The following RYR2 variants were observed in gnomAD, a reference collection of about 807,000 sequenced individuals.
The protein encoded by RYR2 is ryanodine receptor 2.
Under a neutral mutation model 601.1 loss-of-function variants are expected in RYR2, and 227 were observed. That is an observed-to-expected ratio of 0.38 (90% CI 0.34 to 0.42). RYR2 has a LOEUF of 0.42. Ranked by LOEUF, RYR2 falls within the 10% of genes least tolerant of loss-of-function variation. The pLI is 1.00. For missense variants in RYR2, 4,646 were observed against 6,156.5 expected, an observed-to-expected ratio of 0.75 and a Z score of 8.21; for synonymous variants, 2,223 against 2,175.1, an observed-to-expected ratio of 1.02 and a Z score of -0.61.
chr1:237,400,154 C>T (rs1206876990), intron 10 of RYR2, among the ~76,000 whole-genome samples: 1 of 152,124 alleles, frequency 6.6e-6, no homozygotes, highest in African/African-American at 2.4e-5. Context: ...TTGTCAAACT[C>T]TTACTATAGA....
At chr1:237,242,070 T>G (rs1428404317) in intron 1 of RYR2, among the ~76,000 whole-genome samples, 1 of 152,194 alleles carries the variant, frequency 6.6e-6, no homozygotes, top group East Asian at 1.9e-4. Context: ...TTCTTGACTA[T>G]TTTAAGGATT....
intron 23 of RYR2, among the ~76,000 whole-genome samples, chr1:237,508,376 G>A (rs2150524996): frequency 6.6e-6 from 1 of 151,534 alleles, no homozygotes; most frequent in African/African-American, 2.4e-5. Context: ...ATTGCCAGAG[G>A]AATTACAGGC....
chr1:237,795,070 C>G (rs1292653626), intron 95 of RYR2, among the ~76,000 whole-genome samples: 9 of 152,088 alleles, frequency 5.9e-5, no homozygotes. Flanking sequence ...AAAGTATCAG[C>G]TTATAATCTT....
intron 1 of RYR2, among the ~76,000 whole-genome samples, chr1:237,107,401 G>A (rs533886165): frequency 2.0e-5 from 3 of 150,790 alleles, no homozygotes; most frequent in African/African-American, 2.4e-5. Flanking sequence ...GGCGCCTGTA[G>A]TCCCAGCTAC....
Position 237,759,805 on chromosome 1 carries a change from G to A in RYR2, c.11355G>A (p.Lys3785=), listed in dbSNP as rs553416597. ...TGCTTGACTACCTCAAGGAGAAAAAGGATGTGGGCTTCTTTCAGAGCCTGG... is the reference window on the plus strand; with the variant it reads ...TGCTTGACTACCTCAAGGAGAAAAAAGATGTGGGCTTCTTTCAGAGCCTGG... ...QKMLDYLKEK[K]DVGFFQSLAG... is the part of the protein sequence containing the mutation. Residue 3785 remains lysine (K), a synonymous_variant, in exon 83 of 105, where the codon AAG becomes AAA. Transcript: ENST00000366574. 1 of 1,613,262 alleles carries A rather than the reference G, an allele frequency of 6.2e-7. No homozygotes were observed. The highest frequency in any genetic ancestry group is 8.5e-7 in the Non-Finnish European group (1 of 1,179,358).
chr1:237,514,098 C>A (rs1276150492), intron 24 of RYR2, among the ~76,000 whole-genome samples: 2 of 152,228 alleles, frequency 1.3e-5, no homozygotes, highest in East Asian at 1.9e-4. Flanking sequence ...TTCCTTTGCG[C>A]TCTTGACATG....
intron 1 of RYR2, among the ~76,000 whole-genome samples, chr1:237,043,076 G>T (rs1490028345): frequency 1.3e-5 from 2 of 152,234 alleles, no homozygotes; most frequent in Non-Finnish European, 2.9e-5. Context: ...GAGCGAAGAC[G>T]TTGGTTCGCT....
At chr1:237,107,352 T>C (rs1169356174) in intron 1 of RYR2, among the ~76,000 whole-genome samples, 3 of 150,956 alleles carry the variant, frequency 2.0e-5, no homozygotes, top group East Asian at 3.9e-4. Context: ...AAACCCCGTC[T>C]CTACTAAAAA....
chr1:237,226,667 G>A lies in RYR2; in HGVS notation c.49-43830G>A, dbSNP rs572278810. 5.3e-5 allele frequency among the ~76,000 whole-genome samples: 8 copies of A among 152,210 alleles called. No homozygotes were observed. In the South Asian group the frequency reaches 1.7e-3, roughly 32 times the overall value. On this transcript the variant is annotated intron_variant, in intron 1 of 104. Transcript: ENST00000366574. The stretch of plus-strand genomic sequence containing the variant: ...GGAAGTGATTGGTGGTGAAATCTGT[G>A]GTACTTAAAAGCGCTGACAGTGTAG...
chr1:237,485,945 T>G (rs1044444812), intron 17 of RYR2, among the ~76,000 whole-genome samples: 4 of 152,040 alleles, frequency 2.6e-5, no homozygotes, highest in Non-Finnish European at 5.9e-5. Context: ...ACCTACAGTT[T>G]GGAGGATGGG....
intron 6 of RYR2, among the ~76,000 whole-genome samples, chr1:237,371,249 G>A (rs1408223892): frequency 6.6e-6 from 1 of 151,970 alleles, no homozygotes; most frequent in Non-Finnish European, 1.5e-5. Flanking sequence ...TTGAACTCCG[G>A]GACTCAAGTG....
chr1:237,310,970 A>AT (rs1694491443), intron 2 of RYR2, among the ~76,000 whole-genome samples: 3 of 152,228 alleles, frequency 2.0e-5, no homozygotes, highest in African/African-American at 7.2e-5. Flanking sequence ...TCGTGACAAA[A>AT]TATCAATTTA....
At chr1:237,636,233 A>T (rs535074673) in intron 44 of RYR2, among the ~76,000 whole-genome samples, 1 of 152,226 alleles carries the variant, frequency 6.6e-6, no homozygotes, top group African/African-American at 2.4e-5. Context: ...TTAAAAATTC[A>T]TCCCCTACTA....
intron 1 of RYR2, among the ~76,000 whole-genome samples, chr1:237,101,910 G>A (rs564262106): frequency 4.6e-4 from 70 of 152,270 alleles, no homozygotes; most frequent in African/African-American, 1.6e-3. Flanking sequence ...TTATTCCTAC[G>A]TTTATGATTC....
chr1:237,793,782 C>A (rs1573976412), intron 94 of RYR2, 85 bp from the exon 95 acceptor site: 1 of 1,042,644 alleles, frequency 9.6e-7, no homozygotes, highest in Non-Finnish European at 1.4e-6. Flanking sequence ...ATATTTCTTT[C>A]CAAAAGCTGT....
rs770431899 is a variant in RYR2, at chr1:237,500,880, C to T, written c.2373C>T (p.Val791=). Reference sequence around the variant, plus strand: ...ACATCGATGGCCTCTTCTTTCCAGTCGTTAGTTTCTCTGCAGGAATAAAGT... The same window carrying T: ...ACATCGATGGCCTCTTCTTTCCAGTTGTTAGTTTCTCTGCAGGAATAAAGT... ...NFNIDGLFFP[V]VSFSAGIKVR... is the part of the protein sequence containing the mutation. The change falls in exon 21 of 105, where the codon GTC becomes GTT. Residue 791 remains valine (V), a synonymous_variant. Transcript: ENST00000366574. The T allele has an allele frequency of 2.3e-5, 37 of 1,613,850 alleles. No individual in the cohort carries two copies. Among genetic ancestry groups the T allele is most frequent in the African/African-American group, 4.0e-5 (3 of 74,926 alleles).
chr1:237,664,185 G>A (rs1684070643), intron 56 of RYR2, among the ~76,000 whole-genome samples: 2 of 152,172 alleles, frequency 1.3e-5, no homozygotes, highest in Admixed American at 6.5e-5. Flanking sequence ...AAGGGGAATG[G>A]AGATTAGAAT....
intron 1 of RYR2, among the ~76,000 whole-genome samples, chr1:237,166,772 T>C (rs765164931): frequency 4.6e-5 from 7 of 152,220 alleles, no homozygotes; most frequent in Non-Finnish European, 8.8e-5. Flanking sequence ...TCATCGAGCT[T>C]AGATCATTCG....
chr1:237,354,128 A>G (rs1040943346), intron 3 of RYR2, among the ~76,000 whole-genome samples: 1 of 152,004 alleles, frequency 6.6e-6, no homozygotes, highest in Non-Finnish European at 1.5e-5. Flanking sequence ...CTGATAATTC[A>G]CTCCCAGCAA....
Sources: gnomAD v4.1 joint callset for allele counts (sites outside exome capture counted in the v4.1 genomes callset) on GRCh38, gnomAD v4.1.1 for gene constraint, MANE v1.5 for transcripts, NCBI Gene and HGNC (gene_info 2026-07-23, HGNC 2026-07-21) for gene names.